Variants in INPP5B observed in about 807,000 individuals in gnomAD.
INPP5B encodes type II inositol 1,4,5-trisphosphate 5-phosphatase.
In INPP5B, 90 loss-of-function variants were observed where a neutral mutation model predicts 118.5. The ratio of observed to expected loss-of-function variants is 0.76; its 90% CI spans 0.64 to 0.90. The LOEUF (loss-of-function observed/expected upper bound fraction) is 0.90. INPP5B is among the 40% of genes least tolerant of loss of function. INPP5B has a pLI of 0.00. For missense variants in INPP5B, 984 were observed against 1,125.6 expected (o/e 0.87, Z 1.80); for synonymous variants, 385 against 418.9 (o/e 0.92, Z 0.99).
intron 6 of INPP5B, among the ~76,000 whole-genome samples, chr1:37,933,514 C>T (rs1645570417): frequency 6.6e-6 from 1 of 151,754 alleles, no homozygotes; most frequent in Non-Finnish European, 1.5e-5. Context: ...CACCACAGCA[C>T]TCCAACCTGG....
chr1:37,883,560 C>G (rs1257368565), intron 13 of INPP5B: 8 of 985,278 alleles, frequency 8.1e-6, no homozygotes, highest in Non-Finnish European at 8.4e-6. Context: ...GTATCTGAAG[C>G]CAACAACCAT....
intron 7 of INPP5B, chr1:37,930,291 T>C (rs2148659871): frequency 6.6e-6 from 1 of 152,244 alleles, no homozygotes; most frequent in East Asian, 1.9e-4. Flanking sequence ...ATATGGCTAG[T>C]CTCTGTTTTT....
intron 7 of INPP5B, among the ~76,000 whole-genome samples, chr1:37,921,941 A>G (rs1449264409): frequency 1.3e-5 from 2 of 152,202 alleles, no homozygotes; most frequent in East Asian, 1.9e-4. Flanking sequence ...TTGAGGCAGG[A>G]GAACTGCTTG....
intron 21 of INPP5B, 23 bp downstream of exon 21, chr1:37,866,436 A>ACACACACACACT: frequency 8.0e-7 from 1 of 1,252,588 alleles, no homozygotes. Context: ...ACACACACAC[A>ACACACACACACT]GAGCTGAATG....
At chr1:37,931,732 A>T (rs1570365420) in intron 7 of INPP5B, 181 bp downstream of exon 7, 3 of 1,574,920 alleles carry the variant, frequency 1.9e-6, no homozygotes, top group Non-Finnish European at 2.6e-6. Context: ...TGCTTCCTCA[A>T]GCTCCTCATC....
At chr1:37,883,281 A>G in intron 13 of INPP5B, 6 of 985,480 alleles carry the variant, frequency 6.1e-6, no homozygotes, top group Non-Finnish European at 7.2e-6. Context: ...ATCCCAAATC[A>G]GATGATGCCA....
At chr1:37,898,448 C>G (rs147089409) in intron 7 of INPP5B, among the ~76,000 whole-genome samples, 6 of 152,172 alleles carry the variant, frequency 3.9e-5, no homozygotes, top group Admixed American at 2.6e-4. Context: ...GTAATCCCAG[C>G]ACTTTGGGAG....
At chr1:37,871,389 C>G (rs1171767351) in intron 19 of INPP5B, among the ~76,000 whole-genome samples, 1 of 151,784 alleles carries the variant, frequency 6.6e-6, no homozygotes, top group Non-Finnish European at 1.5e-5. Flanking sequence ...ACCTGGGAGG[C>G]AGAGGTTGCA....
intron 18 of INPP5B, among the ~76,000 whole-genome samples, chr1:37,873,550 CA>C (rs963542193): frequency 6.6e-6 from 1 of 152,166 alleles, no homozygotes; most frequent in Non-Finnish European, 1.5e-5. Flanking sequence ...GAATTGTCCA[CA>C]AAACACCCTT....
chr1:37,871,965 G>T (rs554990960), intron 19 of INPP5B, among the ~76,000 whole-genome samples: 1 of 149,968 alleles, frequency 6.7e-6, no homozygotes, highest in Admixed American at 6.7e-5. Context: ...TAGGGTGGCA[G>T]AGGCAGGAGA....
At chr1:37,920,786 TC>T (rs1645026875) in intron 7 of INPP5B, among the ~76,000 whole-genome samples, 1 of 151,768 alleles carries the variant, frequency 6.6e-6, no homozygotes, top group Non-Finnish European at 1.5e-5. Context: ...CCCTACCCTC[TC>T]TAAGCCTCAA....
At chr1:37,882,977 C>T in intron 13 of INPP5B, 59 bp from the exon 14 acceptor site, 1 of 1,588,620 alleles carries the variant, frequency 6.3e-7, no homozygotes, top group Admixed American at 1.8e-5. Flanking sequence ...CTGATCTACC[C>T]AGGGTGCTTC....
At chr1:37,869,230 C>G (rs960201233) in intron 19 of INPP5B, among the ~76,000 whole-genome samples, 2 of 151,730 alleles carry the variant, frequency 1.3e-5, no homozygotes, top group Non-Finnish European at 2.9e-5. Context: ...TGAGCTCAAG[C>G]AATCCACCCA....
rs764618051 is a variant in INPP5B, at chr1:37,864,263, G to T, written c.2626+49C>A. The T allele has an allele frequency of 6.9e-6, 7 of 1,012,884 alleles. No homozygotes were observed. In the South Asian group the frequency reaches 8.1e-5, roughly 12 times the overall value. The allele number at this position is 1,012,884 out of a possible 1,614,324, so 62.7% of individuals were successfully genotyped here. On this transcript the variant is annotated intron_variant, in intron 23 of 23. Coordinates refer to ENST00000373024, the MANE Select transcript of INPP5B (RefSeq NM_005540.3). ...CCTCCTCAACCTCATTTCTCATTAC[G>T]AGTCTCTCAGTTTGCAGAAATGCTT...
chr1:37,900,278 CAG>C (rs1310203523), intron 7 of INPP5B, among the ~76,000 whole-genome samples: 2 of 148,884 alleles, frequency 1.3e-5, no homozygotes, highest in African/African-American at 4.9e-5. Flanking sequence ...TTTTTTGAGA[CAG>C]AGTCTCTCTT....
intron 13 of INPP5B, chr1:37,883,974 A>G (rs1244319325): frequency 2.1e-6 from 1 of 473,580 alleles, no homozygotes; most frequent in Non-Finnish European, 2.8e-6. Context: ...TAAAGAGAAG[A>G]AACAAAAATG....
chr1:37,878,423 T>C (rs1642977591), intron 15 of INPP5B, 100 bp from the exon 16 acceptor site: 1 of 1,528,076 alleles, frequency 6.5e-7, no homozygotes, highest in African/African-American at 1.4e-5. Flanking sequence ...ATCAGGGCCT[T>C]CATGTCCATG....
At chr1:37,931,378 G>A in intron 7 of INPP5B, 3 of 1,369,016 alleles carry the variant, frequency 2.2e-6, no homozygotes, top group African/African-American at 1.5e-5. Flanking sequence ...CAGGCCCAGA[G>A]AGGGGCAGCG....
intron 15 of INPP5B, 131 bp downstream of exon 15, chr1:37,879,954 T>C: frequency 2.0e-6 from 1 of 509,630 alleles, no homozygotes; most frequent in Non-Finnish European, 3.5e-6. Context: ...AGAAAATGTT[T>C]GATCAGAGTG....
Sources: gnomAD v4.1 joint callset for allele counts (sites outside exome capture counted in the v4.1 genomes callset) on GRCh38, gnomAD v4.1.1 for gene constraint, MANE v1.5 for transcripts, NCBI Gene and HGNC (gene_info 2026-07-23, HGNC 2026-07-21) for gene names.